GPC6: variants seen among roughly 807,000 people sequenced by gnomAD.
GPC6 encodes the protein glypican-6.
A neutral mutation model predicts 55.2 loss-of-function variants in GPC6; 14 were observed. The observed-to-expected ratio is 0.25, with a 90% CI of 0.17 to 0.40. GPC6 has a LOEUF of 0.40. Among genes scored for constraint, GPC6 ranks in the 10% least tolerant of loss-of-function variants. The pLI is 1.00. For synonymous variants in GPC6, 278 were observed against 259.6 expected (o/e 1.07, Z -0.68); for missense variants, 641 against 708.5 (o/e 0.90, Z 1.08).
At chr13:93,952,899 G>GTA (rs1324138702) in intron 3 of GPC6, among the ~76,000 whole-genome samples, 4 of 144,938 alleles carry the variant, frequency 2.8e-5, no homozygotes, top group Non-Finnish European at 6.1e-5. Context: ...TGATATATAC[G>GTA]TGTATATATG....
intron 1 of GPC6, among the ~76,000 whole-genome samples, chr13:93,435,865 T>G (rs540402106): frequency 6.6e-6 from 1 of 152,282 alleles, no homozygotes; most frequent in South Asian, 2.1e-4. Flanking sequence ...CACCAGCAAA[T>G]TTTGTAGAAA....
At chr13:93,390,749 T>C (rs1875595811) in intron 1 of GPC6, among the ~76,000 whole-genome samples, 1 of 152,130 alleles carries the variant, frequency 6.6e-6, no homozygotes, top group Non-Finnish European at 1.5e-5. Flanking sequence ...AAAATAGCCT[T>C]TTGTCAGCTT....
intron 2 of GPC6, among the ~76,000 whole-genome samples, chr13:93,672,056 A>C (rs1357505775): frequency 6.6e-6 from 1 of 151,994 alleles, no homozygotes; most frequent in Non-Finnish European, 1.5e-5. Flanking sequence ...AATTCTAAAT[A>C]TATATTTTGA....
At chr13:93,923,696 A>T (rs1048562355) in intron 3 of GPC6, among the ~76,000 whole-genome samples, 1 of 152,214 alleles carries the variant, frequency 6.6e-6, no homozygotes. Flanking sequence ...CGCTATTCAG[A>T]TAGAAGATTG....
rs1219767503 is a variant in GPC6 at position 94,165,264 on chromosome 13, A to G, written c.878-121085A>G. Among the ~76,000 whole-genome samples the G allele has an allele frequency of 2.1e-5, 3 of 145,986 alleles. No homozygotes were observed. The South Asian group carries it at 6.3e-4, about 31-fold the overall frequency. On this transcript the variant is annotated intron_variant, in intron 4 of 8. Coordinates refer to ENST00000377047, the MANE Select transcript of GPC6 (RefSeq NM_005708.5). Reference sequence around the variant, plus strand: ...TATATGTATACATATATGTATACATATATATATACACATATATATATATAT... The same window carrying G: ...TATATGTATACATATATGTATACATGTATATATACACATATATATATATAT...
rs186528026 is a variant in GPC6 at position 93,750,245 on chromosome 13, G to T, written c.320-79909G>T. The stretch of plus-strand genomic sequence containing the variant: ...AAGATTCCAATGATCACAGTGTGTG[G>T]GATGTTTCTACGAAAATTTGTTGTT... On this transcript the variant is annotated intron_variant, in intron 2 of 8. Coordinates refer to ENST00000377047, the MANE Select transcript of GPC6 (RefSeq NM_005708.5). Among the ~76,000 whole-genome samples, 120 of 152,244 alleles carry T rather than the reference G, an allele frequency of 7.9e-4. 1 individual carries two copies. In the Middle Eastern group the frequency reaches 0.01, roughly 13 times the overall value.
chr13:93,713,923 C>T (rs1305473497), intron 2 of GPC6, among the ~76,000 whole-genome samples: 1 of 151,762 alleles, frequency 6.6e-6, no homozygotes, highest in Non-Finnish European at 1.5e-5. Context: ...TCACCATATA[C>T]AAAAATTAAC....
intron 4 of GPC6, among the ~76,000 whole-genome samples, chr13:94,201,779 T>C (rs1172937497): frequency 6.6e-6 from 1 of 151,988 alleles, no homozygotes; most frequent in Non-Finnish European, 1.5e-5. Flanking sequence ...TGAAACCCCA[T>C]CTCTACTAAA....
intron 6 of GPC6, among the ~76,000 whole-genome samples, chr13:94,312,381 C>A (rs775394594): frequency 2.6e-5 from 4 of 152,156 alleles, no homozygotes; most frequent in African/African-American, 7.2e-5. Context: ...GCATTATTTC[C>A]TGCCTGATGG....
intron 1 of GPC6, among the ~76,000 whole-genome samples, chr13:93,308,712 G>T (rs924090437): frequency 1.3e-5 from 2 of 152,206 alleles, no homozygotes; most frequent in African/African-American, 4.8e-5. Context: ...AAAGTGCTGG[G>T]ATTACAGGCG....
At chr13:93,597,196 C>G (rs1339615325) in intron 2 of GPC6, among the ~76,000 whole-genome samples, 3 of 151,926 alleles carry the variant, frequency 2.0e-5, no homozygotes, top group Non-Finnish European at 4.4e-5. Context: ...CAGAAAAGCT[C>G]TCATAGACAA....
At chr13:93,658,386 A>C (rs1190295301) in intron 2 of GPC6, among the ~76,000 whole-genome samples, 1 of 151,918 alleles carries the variant, frequency 6.6e-6, no homozygotes, top group Non-Finnish European at 1.5e-5. Context: ...TATTGTATTA[A>C]TATAGTAGGT....
rs996125976 is a variant in GPC6 at position 93,883,591 on chromosome 13, T to C, written c.711+53046T>C. Among the ~76,000 whole-genome samples the C allele has an allele frequency of 3.9e-5, 6 of 152,250 alleles. No individual in the cohort carries two copies. The East Asian group carries it at 9.7e-4, about 25-fold the overall frequency. The stretch of plus-strand genomic sequence containing the variant: ...ATTTTTTCATATGCTTGTTGGCCAT[T>C]TGTGTATCTTCTTTTGAGAATTGTC... On this transcript the variant is annotated intron_variant, in intron 3 of 8. Coordinates refer to ENST00000377047, the MANE Select transcript of GPC6 (RefSeq NM_005708.5).
chr13:94,217,588 C>G (rs1161812097), intron 4 of GPC6, among the ~76,000 whole-genome samples: 1 of 152,128 alleles, frequency 6.6e-6, no homozygotes, highest in Non-Finnish European at 1.5e-5. Flanking sequence ...GTTATTCTGT[C>G]TCATCATTGT....
At chr13:93,420,338 G>A (rs945555023) in intron 1 of GPC6, among the ~76,000 whole-genome samples, 1 of 152,126 alleles carries the variant, frequency 6.6e-6, no homozygotes, top group African/African-American at 2.4e-5. Flanking sequence ...TTTTGAGGAG[G>A]TGCTATTTGA....
intron 1 of GPC6, among the ~76,000 whole-genome samples, chr13:93,531,948 A>C (rs969386213): frequency 6.6e-6 from 1 of 152,166 alleles, no homozygotes; most frequent in African/African-American, 2.4e-5. Flanking sequence ...CTGCTTTGCA[A>C]TGATATGATG....
At chr13:94,185,652 G>A (rs1191584823) in intron 4 of GPC6, among the ~76,000 whole-genome samples, 1 of 152,054 alleles carries the variant, frequency 6.6e-6, no homozygotes, top group Non-Finnish European at 1.5e-5. Flanking sequence ...GTCATTAGAT[G>A]CAGTCTATGA....
chr13:93,360,894 AACTCCGTGACCCC>A (rs1881020657), intron 1 of GPC6, among the ~76,000 whole-genome samples: 1 of 152,116 alleles, frequency 6.6e-6, no homozygotes, highest in Non-Finnish European at 1.5e-5. Context: ...GGAAGCCTTT[AACTCCGTGACCCC>A]ACTGTGTGGC....
intron 1 of GPC6, among the ~76,000 whole-genome samples, chr13:93,354,522 T>A (rs55956791): frequency 0.054 from 7,827 of 145,742 alleles, 471 homozygotes; most frequent in African/African-American, 0.15. Context: ...GGCTATTATT[T>A]TTTTTTTTTT....
Sources: gnomAD v4.1 joint callset for allele counts (sites outside exome capture counted in the v4.1 genomes callset) on GRCh38, gnomAD v4.1.1 for gene constraint, MANE v1.5 for transcripts, NCBI Gene and HGNC (gene_info 2026-07-23, HGNC 2026-07-21) for gene names.